Variants in PARP8 observed in about 807,000 individuals in gnomAD.
The protein encoded by PARP8 is poly(ADP-ribose) polymerase family member 8, also known as protein mono-ADP-ribosyltransferase PARP8.
In PARP8, 51 loss-of-function variants were observed where a neutral mutation model predicts 124.1. The ratio of observed to expected loss-of-function variants is 0.41; its 90% CI spans 0.33 to 0.52. The LOEUF (loss-of-function observed/expected upper bound fraction) is 0.52, where lower values mean the gene tolerates loss of function less well. Among genes scored for constraint, PARP8 ranks in the 20% least tolerant of loss-of-function variants. The pLI is 0.21. For synonymous variants in PARP8, 391 were observed against 361.5 expected, an observed-to-expected ratio of 1.08 and a Z score of -0.93; for missense variants, 860 against 1,018.9, an observed-to-expected ratio of 0.84 and a Z score of 2.12.
intron 2 of PARP8, among the ~76,000 whole-genome samples, chr5:50,671,249 C>A (rs1749971589): frequency 6.6e-6 from 1 of 152,154 alleles, no homozygotes; most frequent in African/African-American, 2.4e-5. Flanking sequence ...CTTTCACTTG[C>A]AGTCAGACAT....
chr5:50,753,351 T>A (rs1187818214), intron 3 of PARP8, among the ~76,000 whole-genome samples: 1 of 152,108 alleles, frequency 6.6e-6, no homozygotes, highest in Non-Finnish European at 1.5e-5. Context: ...TTGACCTACA[T>A]GATATACTTG....
chr5:50,780,749 T>C (rs142427887), intron 9 of PARP8, among the ~76,000 whole-genome samples: 3 of 152,286 alleles, frequency 2.0e-5, no homozygotes, highest in South Asian at 2.1e-4. Flanking sequence ...ATAATGACTT[T>C]TTGTTTTGTG....
intron 3 of PARP8, among the ~76,000 whole-genome samples, chr5:50,758,370 G>T (rs1760189286): frequency 6.6e-6 from 1 of 152,148 alleles, no homozygotes; most frequent in Non-Finnish European, 1.5e-5. Flanking sequence ...CTCCCTGACT[G>T]TTAAAGCCTT....
Position 50,709,139 on chromosome 5 carries a change from C to T in PARP8, c.147-41012C>T, listed in dbSNP as rs76571676. Among the ~76,000 whole-genome samples, 843 of 152,072 alleles carry T rather than the reference C, an allele frequency of 5.5e-3. 7 individuals are homozygous for T. Among genetic ancestry groups the T allele is most frequent in the African/African-American group, 0.019 (789 of 41,492 alleles). ...GATAATATTCTCTTACCTCCTTCTA[C>T]TCCTTTTTTGGGGTCTACCATTGAA... On this transcript the variant is annotated intron_variant, in intron 2 of 25. Transcript: ENST00000281631.
At chr5:50,680,564 G>A (rs1374706812) in intron 2 of PARP8, among the ~76,000 whole-genome samples, 2 of 152,226 alleles carry the variant, frequency 1.3e-5, no homozygotes, top group African/African-American at 2.4e-5. Flanking sequence ...ATACCAATTA[G>A]CAAATAAAAG....
chr5:50,812,709 G>C (rs982496296), intron 14 of PARP8, among the ~76,000 whole-genome samples: 1 of 150,000 alleles, frequency 6.7e-6, no homozygotes, highest in Non-Finnish European at 1.5e-5. Flanking sequence ...TTTTCTTCTA[G>C]GGTTTTTATG....
chr5:50,804,460 T>G (rs1743595983), intron 14 of PARP8, among the ~76,000 whole-genome samples: 1 of 152,188 alleles, frequency 6.6e-6, no homozygotes, highest in Non-Finnish European at 1.5e-5. Context: ...CAACAATACT[T>G]GCCAGTAGCA....
chr5:50,828,235 T>G (rs185363143), intron 20 of PARP8, 77 bp from the exon 21 acceptor site: 1 of 1,422,456 alleles, frequency 7.0e-7, no homozygotes, highest in Admixed American at 1.7e-5. Context: ...GAAGGCACCA[T>G]GACTTATTAT....
chr5:50,694,542 G>T (rs971377878), intron 2 of PARP8, among the ~76,000 whole-genome samples: 12 of 152,072 alleles, frequency 7.9e-5, no homozygotes, highest in African/African-American at 2.9e-4. Context: ...AAATTTTGTG[G>T]CATTTCCTTA....
chr5:50,723,098 C>T (rs1243033283), intron 2 of PARP8, among the ~76,000 whole-genome samples: 1 of 152,118 alleles, frequency 6.6e-6, no homozygotes, highest in Non-Finnish European at 1.5e-5. Flanking sequence ...ATGATAATAG[C>T]TTTTCCTTTA....
intron 2 of PARP8, among the ~76,000 whole-genome samples, chr5:50,728,173 A>G (rs1342097947): frequency 2.0e-5 from 3 of 152,190 alleles, no homozygotes; most frequent in Non-Finnish European, 2.9e-5. Flanking sequence ...TGATGGCTTA[A>G]GTATTTCCTA....
intron 15 of PARP8, among the ~76,000 whole-genome samples, chr5:50,816,749 G>A (rs1182828865): frequency 6.6e-6 from 1 of 152,104 alleles, no homozygotes; most frequent in African/African-American, 2.4e-5. Flanking sequence ...TAACGGTTCT[G>A]AGCATCCCTA....
In PARP8 at chr5:50,737,463, G is replaced by C. The variant is rs115904530; in HGVS notation, c.147-12688G>C. Among the ~76,000 whole-genome samples, 760 of 152,240 alleles carry C rather than the reference G, an allele frequency of 5.0e-3. 6 individuals carry two copies. The highest frequency in any genetic ancestry group is 0.017 in the African/African-American group (727 of 41,570). Reference sequence around the variant, plus strand: ...CTGGAGTAATCAGTGAGAATCATATGCTGTTTTAAAATGTTTATTTTAGTT... The same window carrying C: ...CTGGAGTAATCAGTGAGAATCATATCCTGTTTTAAAATGTTTATTTTAGTT... On this transcript the variant is annotated intron_variant, in intron 2 of 25. Coordinates refer to ENST00000281631, the MANE Select transcript of PARP8 (RefSeq NM_024615.4).
At chr5:50,741,498 C>CCT (rs2149534864) in intron 2 of PARP8, among the ~76,000 whole-genome samples, 1 of 152,244 alleles carries the variant, frequency 6.6e-6, no homozygotes, top group Admixed American at 6.5e-5. Context: ...CTCTCAGGTT[C>CCT]CTCCCTGTTG....
At chr5:50,692,482 GGC>G (rs1752595445) in intron 2 of PARP8, among the ~76,000 whole-genome samples, 1 of 151,880 alleles carries the variant, frequency 6.6e-6, no homozygotes, top group Non-Finnish European at 1.5e-5. Context: ...ATTCTTTAAA[GGC>G]AGAAAGAAGC....
At chr5:50,798,797 T>TA (rs1428845399) in intron 14 of PARP8, among the ~76,000 whole-genome samples, 4 of 152,198 alleles carry the variant, frequency 2.6e-5, no homozygotes, top group Non-Finnish European at 5.9e-5. Flanking sequence ...GACTAAAAGA[T>TA]ACTAAAATAT....
intron 2 of PARP8, among the ~76,000 whole-genome samples, chr5:50,722,919 T>C (rs1756047069): frequency 6.6e-6 from 1 of 152,126 alleles, no homozygotes; most frequent in African/African-American, 2.4e-5. Context: ...CTTCTCTAAT[T>C]GTGTTGCTTT....
At chr5:50,767,642 T>G (rs1761186504) in intron 7 of PARP8, among the ~76,000 whole-genome samples, 1 of 152,228 alleles carries the variant, frequency 6.6e-6, no homozygotes, top group Non-Finnish European at 1.5e-5. Context: ...CTGGATCTAA[T>G]TTTTAAATTT....
Position 50,687,959 on chromosome 5 carries a change from G to A in PARP8, c.146+19834G>A, listed in dbSNP as rs369596212. Among the ~76,000 whole-genome samples, 9 of 152,228 alleles carry A rather than the reference G, an allele frequency of 5.9e-5. No homozygotes were observed. The East Asian group carries it at 1.5e-3, about 26-fold the overall frequency. ...CCTGGGCTCAAATGATGATTGAGGT[G>A]GGACACCTCAATCTCTCAAGTAGCT... On this transcript the variant is annotated intron_variant, in intron 2 of 25. Coordinates refer to ENST00000281631, the MANE Select transcript of PARP8 (RefSeq NM_024615.4).
Sources: gnomAD v4.1 joint callset for allele counts (sites outside exome capture counted in the v4.1 genomes callset) on GRCh38, gnomAD v4.1.1 for gene constraint, MANE v1.5 for transcripts, NCBI Gene and HGNC (gene_info 2026-07-23, HGNC 2026-07-21) for gene names.